The following GNG7 variants were observed in gnomAD, a reference collection of about 807,000 sequenced individuals.
GNG7 encodes guanine nucleotide-binding protein G(I)/G(S)/G(O) subunit gamma-7.
A neutral mutation model predicts 4.0 loss-of-function variants in GNG7; 1 was observed. That is an observed-to-expected ratio of 0.25 (90% confidence interval 0.09 to 1.18). GNG7 has a LOEUF of 1.18. Ranked by LOEUF, GNG7 falls within the 50% of genes most tolerant of loss-of-function variation. The pLI is 0.50. For missense variants in GNG7, 86 were observed against 91.9 expected (o/e 0.94, Z 0.26); for synonymous variants, 34 against 36.9 (o/e 0.92, Z 0.29).
chr19:2,598,225 A>C (rs1981085061), intron 2 of GNG7, among the ~76,000 whole-genome samples: 1 of 152,190 alleles, frequency 6.6e-6, no homozygotes, highest in Non-Finnish European at 1.5e-5. Flanking sequence ...AGAACTCACA[A>C]TCAAAACTAG....
At chr19:2,666,577 G>A (rs1983317115) in intron 1 of GNG7, among the ~76,000 whole-genome samples, 1 of 152,184 alleles carries the variant, frequency 6.6e-6, no homozygotes, top group Non-Finnish European at 1.5e-5. Context: ...CTCCCCAAGT[G>A]CTGGGATTAC....
At chr19:2,580,955 G>C (rs1229146176) in intron 2 of GNG7, among the ~76,000 whole-genome samples, 1 of 151,970 alleles carries the variant, frequency 6.6e-6, no homozygotes, top group African/African-American at 2.4e-5. Flanking sequence ...AGTAGAGACA[G>C]GGTTTCACCA....
chr19:2,536,353 G>A (rs973324217), intron 3 of GNG7, among the ~76,000 whole-genome samples: 8 of 151,922 alleles, frequency 5.3e-5, no homozygotes, highest in East Asian at 1.9e-4. Context: ...GGGAGGCGGC[G>A]GTTGCAGTGA....
At position 2,650,183 on chromosome 19, in the gene GNG7, C is replaced by CTTTTTTTT. The variant is rs529803793; in HGVS notation, c.-134-3911_-134-3904dup. 8.4e-3 allele frequency among the ~76,000 whole-genome samples: 1,052 copies of CTTTTTTTT among 125,878 alleles called. 46 individuals carry two copies. Among genetic ancestry groups the CTTTTTTTT allele is most frequent in the African/African-American group, 0.022 (678 of 31,280 alleles). The allele number at this position is 125,878 out of a possible 152,430, so 82.6% of individuals were successfully genotyped here. On this transcript the variant is annotated intron_variant, in intron 1 of 4. Transcript: ENST00000382159. ...CTGTGAATATTCGTGTCATAGGAAT[C>CTTTTTTTT]TTTTTTTTTTTTTTTTTTGAGACAG... is the stretch of plus-strand genomic sequence containing the variant.
chr19:2,588,284 G>A (rs922545149), intron 2 of GNG7, among the ~76,000 whole-genome samples: 3 of 152,148 alleles, frequency 2.0e-5, no homozygotes, highest in African/African-American at 2.4e-5. Context: ...GGGAGAGTCC[G>A]GCTGAATTGC....
At chr19:2,676,001 T>G (rs1382112837) in intron 1 of GNG7, among the ~76,000 whole-genome samples, 1 of 152,204 alleles carries the variant, frequency 6.6e-6, no homozygotes, top group Non-Finnish European at 1.5e-5. Context: ...ATCCAATAAC[T>G]GATGTCCTTA....
chr19:2,648,259 G>C (rs1455113515), intron 1 of GNG7, among the ~76,000 whole-genome samples: 1 of 151,822 alleles, frequency 6.6e-6, no homozygotes, highest in Non-Finnish European at 1.5e-5. Context: ...AGCTGGGCAT[G>C]GTGGTGCAAA....
At chr19:2,553,753 A>G (rs987513601) in intron 3 of GNG7, among the ~76,000 whole-genome samples, 4 of 148,970 alleles carry the variant, frequency 2.7e-5, no homozygotes, top group Non-Finnish European at 5.9e-5. Flanking sequence ...TATATTACAT[A>G]TATGCACATA....
chr19:2,588,482 G>A (rs187442583), intron 2 of GNG7, among the ~76,000 whole-genome samples: 4 of 152,340 alleles, frequency 2.6e-5, no homozygotes, highest in Non-Finnish European at 2.9e-5. Context: ...GCACAGGGCC[G>A]GGCAGGGCGG....
At chr19:2,629,392 C>T (rs143480917) in intron 2 of GNG7, among the ~76,000 whole-genome samples, 8 of 152,276 alleles carry the variant, frequency 5.3e-5, no homozygotes, top group South Asian at 2.1e-4. Context: ...CAGCAGGCCA[C>T]GCTCTTGTGT....
At chr19:2,602,688 G>A (rs553895909) in intron 2 of GNG7, among the ~76,000 whole-genome samples, 8 of 152,328 alleles carry the variant, frequency 5.3e-5, no homozygotes, top group African/African-American at 1.9e-4. Context: ...AATCCCATAC[G>A]CTGGACAGCA....
In GNG7 at chr19:2,634,883, T is replaced by C. The variant is rs1399913380; in HGVS notation, c.-78+11341A>G. On this transcript the variant is annotated intron_variant, in intron 2 of 4. Transcript: ENST00000382159. This position sits in a 1 kb window ranked among gnomAD's most constrained non-coding sequence, Gnocchi z 5.3. The stretch of plus-strand genomic sequence containing the variant: ...TCCAGTAAAGCTCTCAGCAGAAATG[T>C]TACCAAAAAAAAAAAACCCTCGCCG... Among the ~76,000 whole-genome samples the C allele has an allele frequency of 2.7e-5, 4 of 150,766 alleles. No individual in the cohort carries two copies. Among genetic ancestry groups the C allele is most frequent in the Admixed American group, 1.3e-4 (2 of 15,196 alleles).
chr19:2,552,008 C>G (rs1979348707), intron 3 of GNG7, among the ~76,000 whole-genome samples: 1 of 152,162 alleles, frequency 6.6e-6, no homozygotes, highest in Admixed American at 6.5e-5. Flanking sequence ...CAGCTGCCCC[C>G]CAACGCTTGC....
intron 2 of GNG7, chr19:2,643,719 A>G (rs1599438384): frequency 4.5e-6 from 2 of 445,220 alleles, no homozygotes; most frequent in East Asian, 1.4e-4. Context: ...GGGTGCAGTT[A>G]CACACCCTGC....
chr19:2,674,613 T>C (rs1040123883), intron 1 of GNG7, among the ~76,000 whole-genome samples: 5 of 152,106 alleles, frequency 3.3e-5, no homozygotes, highest in Admixed American at 6.5e-5. Context: ...TTTTTGCATT[T>C]TTAGTAGAGA....
At position 2,570,847 on chromosome 19, in the gene GNG7, G is replaced by C. The variant is rs1008602711; in HGVS notation, c.-77-15659C>G. Among the ~76,000 whole-genome samples, 3 of 152,284 alleles carry C rather than the reference G, an allele frequency of 2.0e-5. No individual in the cohort carries two copies. The East Asian group carries it at 5.8e-4, about 29-fold the overall frequency. On this transcript the variant is annotated intron_variant, in intron 2 of 4. Coordinates refer to ENST00000382159, the MANE Select transcript of GNG7 (RefSeq NM_052847.3). Reference sequence around the variant, plus strand: ...GGGTCTTGCTCTGTCACCCAGGCTGGAGTACAGTGGTGCAATCACAGCTCA... The same window carrying C: ...GGGTCTTGCTCTGTCACCCAGGCTGCAGTACAGTGGTGCAATCACAGCTCA...
At chr19:2,591,567 TG>T (rs1416370485) in intron 2 of GNG7, among the ~76,000 whole-genome samples, 1 of 150,922 alleles carries the variant, frequency 6.6e-6, no homozygotes, top group African/African-American at 2.4e-5. Context: ...GAACCAAAGT[TG>T]GGGGAAAGTC....
intron 2 of GNG7, among the ~76,000 whole-genome samples, chr19:2,588,137 A>G (rs1381004637): frequency 2.6e-5 from 4 of 152,162 alleles, no homozygotes; most frequent in Admixed American, 2.0e-4. Context: ...CCCCGGGTAC[A>G]ATTTGTGCAG....
At chr19:2,628,485 C>T (rs1982074635) in intron 2 of GNG7, among the ~76,000 whole-genome samples, 1 of 151,838 alleles carries the variant, frequency 6.6e-6, no homozygotes, top group South Asian at 2.1e-4. Context: ...AACCCCTTCC[C>T]TTTCTCTCTT....
Sources: gnomAD v4.1 joint callset for allele counts (sites outside exome capture counted in the v4.1 genomes callset) on GRCh38, gnomAD v4.1.1 for gene constraint, Gnocchi (gnomAD v3.1) non-coding constraint, MANE v1.5 for transcripts, NCBI Gene and HGNC (gene_info 2026-07-23, HGNC 2026-07-21) for gene names.